The following ZNF16 variants were observed in gnomAD, a reference collection of about 807,000 sequenced individuals.
The protein encoded by ZNF16 is zinc finger protein 16, also known as zinc finger protein KOX9.
ZNF16 carries 7 observed loss-of-function variants against 9.0 expected under a neutral mutation model. That is an observed-to-expected ratio of 0.78 (90% CI 0.44 to 1.47). The LOEUF (loss-of-function observed/expected upper bound fraction) is 1.47, where lower values mean the gene tolerates loss of function less well. ZNF16 is among the 40% of genes most tolerant of loss of function. ZNF16 has a pLI of 0.01. For missense variants in ZNF16, 830 were observed against 854.2 expected, an observed-to-expected ratio of 0.97 and a Z score of 0.35; for synonymous variants, 312 against 301.5, an observed-to-expected ratio of 1.03 and a Z score of -0.36.
rs1045805084 is a variant in ZNF16 at position 144,933,812 on chromosome 8, G to A, written c.197-1222C>T. Among the ~76,000 whole-genome samples, 1 of 152,130 alleles carries A rather than the reference G, an allele frequency of 6.6e-6. No homozygotes were observed. The highest frequency in any genetic ancestry group is 2.4e-5 in the African/African-American group (1 of 41,442). ...GGCCCTCGTGCTACCCACTTCCCTT[G>A]CACAGGCCTTGCTGGAGAGCCCTTC... is the stretch of plus-strand genomic sequence containing the variant. On this transcript the variant is annotated intron_variant, in intron 2 of 2. Transcript: ENST00000394909. The surrounding 1 kb of genome is among the most constrained non-coding windows in gnomAD (Gnocchi z 5.6).
chr8:144,946,551 TG>T (rs879409629), intron 1 of ZNF16, among the ~76,000 whole-genome samples: 18,039 of 115,396 alleles, frequency 0.16, 1,396 homozygotes, highest in East Asian at 0.24. Context: ...TGTACTGCTG[TG>T]GGGCCTGTAC....
chr8:144,941,928 A>G (rs1833807119), intron 2 of ZNF16, among the ~76,000 whole-genome samples: 1 of 142,306 alleles, frequency 7.0e-6, no homozygotes, highest in Admixed American at 7.2e-5. Context: ...AAGTGCTGGG[A>G]TTACAGGCGT....
intron 2 of ZNF16, among the ~76,000 whole-genome samples, chr8:144,941,885 C>T (rs1833805486): frequency 6.6e-6 from 1 of 151,486 alleles, no homozygotes; most frequent in Non-Finnish European, 1.5e-5. Context: ...GTCTCAATCT[C>T]CTGACCTCAT....
At chr8:144,937,162 T>TTC (rs1833705979) in intron 2 of ZNF16, among the ~76,000 whole-genome samples, 1 of 144,386 alleles carries the variant, frequency 6.9e-6, no homozygotes, top group Non-Finnish European at 1.5e-5. Flanking sequence ...TTTTTTTTTT[T>TTC]TTGAGACAGA....
Position 144,931,544 on chromosome 8 carries a change from T to C in ZNF16, c.1243A>G (p.Ser415Gly). 1 of 1,614,104 alleles carries C rather than the reference T, an allele frequency of 6.2e-7. No individual in the cohort carries two copies. The highest frequency in any genetic ancestry group is 8.5e-7 in the Non-Finnish European group (1 of 1,180,014). Residue 415 changes from serine to glycine, a missense_variant, in exon 3 of 3, where the codon AGT (serine) becomes GGT (glycine). Coordinates refer to ENST00000394909, the MANE Select transcript of ZNF16 (RefSeq NM_006958.3). ...YECNDCGKPFSRVSNLIKHHR... is the reference protein window; with the variant it reads ...YECNDCGKPFGRVSNLIKHHR... ...TGCTTAATGAGGTTGGAGACCCGACTGAAGGGCTTGCCACAATCATTACAC... is the reference window on the plus strand; with the variant it reads ...TGCTTAATGAGGTTGGAGACCCGACCGAAGGGCTTGCCACAATCATTACAC...
chr8:144,949,774 T>C (rs370929920), intron 1 of ZNF16, among the ~76,000 whole-genome samples: 81 of 152,278 alleles, frequency 5.3e-4, no homozygotes, highest in East Asian at 1.7e-3. Context: ...GACTTCTGCC[T>C]TGGAAAGCCG....
chr8:144,931,904 A>C lies in ZNF16; in HGVS notation c.883T>G (p.Cys295Gly). The C allele has an allele frequency of 3.1e-6, 5 of 1,614,178 alleles. No individual in the cohort carries two copies. Among genetic ancestry groups the C allele is most frequent in the Non-Finnish European group, 4.2e-6 (5 of 1,180,034 alleles). Residue 295 changes from cysteine to glycine, a missense_variant, in exon 3 of 3, where the codon TGT becomes GGT. By Grantham distance (159) the Cys-to-Gly change is radical (BLOSUM62 -3). Coordinates refer to ENST00000394909, the MANE Select transcript of ZNF16 (RefSeq NM_006958.3). ...CTGAAGGCTTTTCCACATTCATTAC[A>C]CATATAAGGCCTCTCACTGCTGTGG... ...SHHSSERPYMCNECGKAFSQN... is the reference protein window; with the variant it reads ...SHHSSERPYMGNECGKAFSQN...
At chr8:144,949,277 G>A (rs1050001973) in intron 1 of ZNF16, among the ~76,000 whole-genome samples, 16 of 152,184 alleles carry the variant, frequency 1.1e-4, no homozygotes, top group Non-Finnish European at 2.4e-4. Flanking sequence ...CACGCAGAGC[G>A]ACTCCACTAC....
At chr8:144,950,273 C>A (rs189642090) in intron 1 of ZNF16, 3 of 152,316 alleles carry the variant, frequency 2.0e-5, no homozygotes, top group South Asian at 2.1e-4. Context: ...AAATAATAAT[C>A]AATAAAAACT....
chr8:144,946,612 T>TTGTGTCCTGCTGTTGGGCC lies in ZNF16; in HGVS notation c.-9-416_-9-398dup, dbSNP rs1364758771. 1.4e-4 allele frequency among the ~76,000 whole-genome samples: 12 copies of TTGTGTCCTGCTGTTGGGCC among 86,232 alleles called. 1 individual carries two copies. The South Asian group carries it at 2.0e-3, about 14-fold the overall frequency. The allele number at this position is 86,232 out of a possible 152,430, so 56.6% of individuals were successfully genotyped here. On this transcript the variant is annotated intron_variant, in intron 1 of 2. Transcript: ENST00000394909. ...GTGGGTCTGTATCCTGCTGTTGGGC[T>TTGTGTCCTGCTGTTGGGCC]TGTGTCCTGCTGTTGGGCCTGTGTC... is the stretch of plus-strand genomic sequence containing the variant.
chr8:144,930,648 C>T lies in ZNF16; in HGVS notation c.*90G>A, dbSNP rs550968311. On this transcript the variant is annotated 3_prime_UTR_variant, in exon 3 of 3. Coordinates refer to ENST00000394909, the MANE Select transcript of ZNF16 (RefSeq NM_006958.3). ...AGGCAGTGAGCTGAGTCCAGGCTTT[C>T]GGTCTGGGAAGTGGCAGAGGCTGAG... 2.3e-4 allele frequency: 334 copies of T among 1,421,912 alleles called. No homozygotes were observed. In the African/African-American group the frequency reaches 4.0e-3, roughly 17 times the overall value. The allele number at this position is 1,421,912 out of a possible 1,614,324, so 88.1% of individuals were successfully genotyped here. A position where few individuals can be genotyped will look rare whatever the true frequency, so the allele number is the denominator to read the frequency against.
chr8:144,949,939 G>C (rs569585692), intron 1 of ZNF16, among the ~76,000 whole-genome samples: 2 of 152,166 alleles, frequency 1.3e-5, no homozygotes, highest in African/African-American at 4.8e-5. Flanking sequence ...GATAGAGGAA[G>C]GCCACTCTCT....
intron 1 of ZNF16, among the ~76,000 whole-genome samples, chr8:144,946,702 C>G (rs80130880): frequency 6.1e-5 from 7 of 114,422 alleles, no homozygotes; most frequent in African/African-American, 2.2e-4. Context: ...CTGCTGTGGG[C>G]CCGTGTCCTG....
intron 2 of ZNF16, among the ~76,000 whole-genome samples, chr8:144,941,015 CA>C (rs1376792363): frequency 6.6e-6 from 1 of 152,020 alleles, no homozygotes; most frequent in Non-Finnish European, 1.5e-5. Context: ...GATTAGATTT[CA>C]AGATATGACT....
intron 1 of ZNF16, among the ~76,000 whole-genome samples, chr8:144,947,374 T>TG (rs1258018205): frequency 2.8e-5 from 4 of 144,062 alleles, no homozygotes; most frequent in African/African-American, 7.5e-5. Flanking sequence ...TATCCTGCTG[T>TG]GGGCCTGTAT....
rs10096402 is a variant in ZNF16 at position 144,942,920 on chromosome 8, G to A, written c.196+3091C>T. 3.0e-3 allele frequency among the ~76,000 whole-genome samples: 459 copies of A among 152,286 alleles called. 4 individuals carry two copies. Among genetic ancestry groups the A allele is most frequent in the African/African-American group, 0.011 (445 of 41,570 alleles). On this transcript the variant is annotated intron_variant, in intron 2 of 2. Coordinates refer to ENST00000394909, the MANE Select transcript of ZNF16 (RefSeq NM_006958.3). ...GATACTAACTTTTATACTTACCTATGTAGTTACTTTTACTGGAGGTCTTTA... is the reference window on the plus strand; with the variant it reads ...GATACTAACTTTTATACTTACCTATATAGTTACTTTTACTGGAGGTCTTTA...
chr8:144,945,985 C>G, intron 2 of ZNF16, 26 bp downstream of exon 2: 1 of 1,611,626 alleles, frequency 6.2e-7, no homozygotes. Context: ...AATAAGGGCA[C>G]CAGCGGAGAA....
At chr8:144,950,181 T>G (rs940094525) in intron 1 of ZNF16, among the ~76,000 whole-genome samples, 4 of 152,150 alleles carry the variant, frequency 2.6e-5, no homozygotes, top group Non-Finnish European at 5.9e-5. Context: ...CACAGATTCT[T>G]TTGCTCACAT....
At chr8:144,948,684 C>T (rs1000860790) in intron 1 of ZNF16, among the ~76,000 whole-genome samples, 1 of 152,168 alleles carries the variant, frequency 6.6e-6, no homozygotes, top group Non-Finnish European at 1.5e-5. Context: ...TCTAGGTTTA[C>T]ACAGCAAATA....
Sources: allele counts gnomAD v4.1 joint callset (sites outside exome capture counted in the v4.1 genomes callset), GRCh38; gene constraint gnomAD v4.1.1; non-coding constraint Gnocchi (gnomAD v3.1); transcripts MANE v1.5; gene names NCBI Gene and HGNC (gene_info 2026-07-23, HGNC 2026-07-21).